The following ADIPOR2 variants were observed in gnomAD, a reference collection of about 807,000 sequenced individuals.
ADIPOR2 encodes adiponectin receptor protein 2.
In ADIPOR2, 18 loss-of-function variants were observed where a neutral mutation model predicts 40.9. That is an observed-to-expected ratio of 0.44 (90% CI 0.30 to 0.65). The LOEUF is 0.65. Among genes scored for constraint, ADIPOR2 ranks in the 30% least tolerant of loss-of-function variants. The probability of loss-of-function intolerance (pLI) is 0.09; values close to 1 mark genes in which losing one functional copy is unlikely to be tolerated. For synonymous variants in ADIPOR2, 165 were observed against 166.4 expected, an observed-to-expected ratio of 0.99 and a Z score of 0.06; for missense variants, 283 against 479.2, an observed-to-expected ratio of 0.59 and a Z score of 3.82.
Position 1,786,203 on chromosome 12 carries a change from C to A in ADIPOR2, c.*131C>A. On this transcript the variant is annotated 3_prime_UTR_variant, in exon 8 of 8. Coordinates refer to ENST00000357103, the MANE Select transcript of ADIPOR2 (RefSeq NM_024551.3). The stretch of plus-strand genomic sequence containing the variant: ...ACAGCCTCGTGGGCTTTGTGACGGC[C>A]CAGTGGCTCTGCGTGGTACATGACT... 1 of 1,264,664 alleles carries A rather than the reference C, an allele frequency of 7.9e-7. No homozygotes were observed. Among genetic ancestry groups the A allele is most frequent in the Non-Finnish European group, 1.1e-6 (1 of 916,306 alleles). 78.3% of individuals were successfully genotyped at this position (1,264,664 alleles called of 1,614,324 possible).
At position 1,764,829 on chromosome 12, in the gene ADIPOR2, G is replaced by A. The variant is rs150283534; in HGVS notation, c.172-8013G>A. 5.2e-3 allele frequency among the ~76,000 whole-genome samples: 796 copies of A among 152,214 alleles called. 9 individuals are homozygous for A. Among genetic ancestry groups the A allele is most frequent in the Admixed American group, 0.013 (202 of 15,292 alleles). The stretch of plus-strand genomic sequence containing the variant: ...GTATCTGGCTTCTTTTGCTCAGTAT[G>A]ATGTTTGTGAAATTCATCTGTATTT... On this transcript the variant is annotated intron_variant, in intron 2 of 7. Transcript: ENST00000357103.
chr12:1,717,889 A>G (rs1040798442), intron 1 of ADIPOR2, among the ~76,000 whole-genome samples: 2 of 152,164 alleles, frequency 1.3e-5, no homozygotes, highest in African/African-American at 4.8e-5. Context: ...TTTTCCTGGT[A>G]CAGAATAAAC....
At chr12:1,708,186 GT>G (rs34873246) in intron 1 of ADIPOR2, among the ~76,000 whole-genome samples, 94 of 144,982 alleles carry the variant, frequency 6.5e-4, no homozygotes, top group Admixed American at 1.3e-3. Flanking sequence ...GCAAATATGG[GT>G]TTTTTTTTTT....
chr12:1,780,603 T>C lies in ADIPOR2; in HGVS notation c.616T>C (p.Cys206Arg). 6.2e-7 allele frequency: 1 copy of C among 1,608,046 alleles called. No homozygotes were observed. Among genetic ancestry groups the C allele is most frequent in the Non-Finnish European group, 8.5e-7 (1 of 1,178,268 alleles). The change falls in exon 5 of 8, where the codon TGC (cysteine) becomes CGC (arginine). Residue 206 changes from cysteine (C) to arginine (R), a missense_variant. By Grantham distance (180) the Cys-to-Arg change is radical. Coordinates refer to ENST00000357103, the MANE Select transcript of ADIPOR2 (RefSeq NM_024551.3). ...TTCATGGCTCTTCCACACAGTCTAC[T>C]GCCACTCAGAGGGGGTCTCTCGGCT... ...SFSWLFHTVYCHSEGVSRLFS... is the reference protein window; with the variant it reads ...SFSWLFHTVYRHSEGVSRLFS...
intron 1 of ADIPOR2, among the ~76,000 whole-genome samples, chr12:1,699,109 G>GCC (rs1185582446): frequency 3.3e-5 from 5 of 152,052 alleles, no homozygotes; most frequent in Admixed American, 1.3e-4. Flanking sequence ...GAATCTGGGT[G>GCC]CCTGCCTAAT....
rs562606009 is a variant in ADIPOR2 at position 1,748,971 on chromosome 12, A to G, written c.-86-5287A>G. Among the ~76,000 whole-genome samples, 5 of 152,300 alleles carry G rather than the reference A, an allele frequency of 3.3e-5. No individual in the cohort carries two copies. The East Asian group carries it at 5.8e-4, about 18-fold the overall frequency. Reference sequence around the variant, plus strand: ...TACTCCCCTAACACACACACCAGTCATAAGTCGGGGCCTCCAGAACTTCTG... The same window carrying G: ...TACTCCCCTAACACACACACCAGTCGTAAGTCGGGGCCTCCAGAACTTCTG... On this transcript the variant is annotated intron_variant, in intron 1 of 7. Coordinates refer to ENST00000357103, the MANE Select transcript of ADIPOR2 (RefSeq NM_024551.3).
chr12:1,691,920 T>G (rs1476733281), intron 1 of ADIPOR2, among the ~76,000 whole-genome samples: 1 of 152,196 alleles, frequency 6.6e-6, no homozygotes, highest in Non-Finnish European at 1.5e-5. Flanking sequence ...GGTCCAAAAG[T>G]GAATTTTGGT....
At chr12:1,753,597 C>T (rs569941132) in intron 1 of ADIPOR2, among the ~76,000 whole-genome samples, 20 of 152,212 alleles carry the variant, frequency 1.3e-4, no homozygotes, top group Admixed American at 6.5e-4. Flanking sequence ...GACATTAAGC[C>T]TTTTGAATAC....
intron 1 of ADIPOR2, among the ~76,000 whole-genome samples, chr12:1,711,370 G>A (rs2094676513): frequency 6.6e-6 from 1 of 152,060 alleles, no homozygotes; most frequent in South Asian, 2.1e-4. Flanking sequence ...CTGTGCTGAT[G>A]GACTTGAGCT....
intron 1 of ADIPOR2, among the ~76,000 whole-genome samples, chr12:1,734,398 A>T (rs1232561176): frequency 1.3e-5 from 2 of 152,162 alleles, no homozygotes; most frequent in Non-Finnish European, 2.9e-5. Context: ...TTTTGGCTGC[A>T]TAAATGTCTT....
In ADIPOR2 at chr12:1,780,510, G is replaced by T; in HGVS notation, c.523G>T (p.Val175Leu). Residue 175 changes from valine to leucine, a missense_variant, in exon 5 of 8, where the codon GTG becomes TTG. Around this residue, in one of 3 missense-constraint regions of ADIPOR2, gnomAD observed 112 missense variants for 249.5 expected, o/e 0.45. Transcript: ENST00000357103. ...FYMFRPNISFVAPLQEKVVFG... is the reference protein window; with the variant it reads ...FYMFRPNISFLAPLQEKVVFG... ...TATGTTTCGCCCAAATATCTCCTTT[G>T]TGGCCCCTCTGCAAGAGAAGGTGGT... The T allele has an allele frequency of 6.2e-7, 1 of 1,613,748 alleles. No homozygotes were observed. The highest frequency in any genetic ancestry group is 8.5e-7 in the Non-Finnish European group (1 of 1,179,874).
intron 2 of ADIPOR2, among the ~76,000 whole-genome samples, chr12:1,759,872 A>G (rs1050811654): frequency 2.6e-5 from 4 of 152,034 alleles, no homozygotes; most frequent in African/African-American, 9.7e-5. Flanking sequence ...GAAAAATACA[A>G]AAATTAGCTG....
chr12:1,748,220 G>A (rs1186024037), intron 1 of ADIPOR2, among the ~76,000 whole-genome samples: 1 of 151,724 alleles, frequency 6.6e-6, no homozygotes, highest in Non-Finnish European at 1.5e-5. Context: ...AGGTGATATT[G>A]TCATTATGCT....
intron 6 of ADIPOR2, 67 bp from the exon 7 acceptor site, chr12:1,783,813 T>C (rs1862774381): frequency 7.6e-7 from 1 of 1,315,152 alleles, no homozygotes; most frequent in East Asian, 2.4e-5. Flanking sequence ...GGTGCTGTGC[T>C]GTAATACTGA....
At chr12:1,708,939 C>T (rs1325907228) in intron 1 of ADIPOR2, among the ~76,000 whole-genome samples, 2 of 151,992 alleles carry the variant, frequency 1.3e-5, no homozygotes, top group African/African-American at 4.8e-5. Context: ...AGGCTGGTCT[C>T]GAACTCTTGA....
At chr12:1,770,233 T>G (rs1862468784) in intron 2 of ADIPOR2, among the ~76,000 whole-genome samples, 1 of 152,248 alleles carries the variant, frequency 6.6e-6, no homozygotes, top group African/African-American at 2.4e-5. Context: ...TCAGAATTAC[T>G]GATTGTGAGT....
chr12:1,713,953 A>G (rs1371995633), intron 1 of ADIPOR2, among the ~76,000 whole-genome samples: 1 of 152,056 alleles, frequency 6.6e-6, no homozygotes, highest in African/African-American at 2.4e-5. Flanking sequence ...ATGGTTAAAC[A>G]TACCCGGGGT....
At chr12:1,744,969 A>T (rs764731092) in intron 1 of ADIPOR2, among the ~76,000 whole-genome samples, 1 of 152,212 alleles carries the variant, frequency 6.6e-6, no homozygotes, top group African/African-American at 2.4e-5. Context: ...TTAAAGAAAA[A>T]TGGGTGCCCT....
rs148347534 is a variant in ADIPOR2 at position 1,788,302 on chromosome 12, A to G, written c.*2230A>G. ...TGTGCCCATTTCTATGTGTGTGTCT[A>G]CGTGCAGCTCACTACCAACAGCCTC... On this transcript the variant is annotated 3_prime_UTR_variant, in exon 8 of 8. Coordinates refer to ENST00000357103, the MANE Select transcript of ADIPOR2 (RefSeq NM_024551.3). 6.6e-6 allele frequency: 1 copy of G among 152,636 alleles called. No homozygotes were observed. The highest frequency in any genetic ancestry group is 2.4e-5 in the African/African-American group (1 of 41,438). 9.5% of individuals were successfully genotyped at this position (152,636 alleles called of 1,614,324 possible). A position where few individuals can be genotyped will look rare whatever the true frequency, so the allele number is the denominator to read the frequency against.
Sources: allele counts gnomAD v4.1 joint callset (sites outside exome capture counted in the v4.1 genomes callset), GRCh38; gene constraint gnomAD v4.1.1; regional missense constraint gnomAD v4.1.1; transcripts MANE v1.5; gene names NCBI Gene and HGNC (gene_info 2026-07-23, HGNC 2026-07-21).